LUC7L2: variants seen among roughly 807,000 people sequenced by gnomAD.
The protein encoded by LUC7L2 is putative RNA-binding protein Luc7-like 2.
In LUC7L2, 25 loss-of-function variants were observed where a neutral mutation model predicts 52.8. The ratio of observed to expected loss-of-function variants is 0.47; its 90% CI spans 0.34 to 0.66. The LOEUF (loss-of-function observed/expected upper bound fraction) is 0.66, where lower values mean the gene tolerates loss of function less well. Ranked by LOEUF, LUC7L2 falls within the 30% of genes least tolerant of loss-of-function variation. The probability of loss-of-function intolerance (pLI) is 0.01; values close to 1 mark genes in which losing one functional copy is unlikely to be tolerated. For synonymous variants in LUC7L2, 144 were observed against 160.9 expected (o/e 0.89, Z 0.80); for missense variants, 328 against 497.8 (o/e 0.66, Z 3.25).
intron 2 of LUC7L2, among the ~76,000 whole-genome samples, chr7:139,387,475 T>G (rs1343698481): frequency 6.6e-6 from 1 of 152,238 alleles, no homozygotes; most frequent in African/African-American, 2.4e-5. Context: ...CCACTGCGCC[T>G]GGCTGAAAAT....
intron 2 of LUC7L2, among the ~76,000 whole-genome samples, chr7:139,390,679 C>T (rs900344788): frequency 6.6e-6 from 1 of 152,024 alleles, no homozygotes; most frequent in Non-Finnish European, 1.5e-5. Flanking sequence ...CCTCAGCCTC[C>T]CAAGTAGCTG....
At chr7:139,354,891 C>T (rs1319826045) in intron 1 of LUC7L2, among the ~76,000 whole-genome samples, 2 of 149,654 alleles carry the variant, frequency 1.3e-5, no homozygotes, top group African/African-American at 5.0e-5. Context: ...GGGTCTTGCT[C>T]TGTTGTCCAG....
At chr7:139,378,591 A>C (rs1235033725) in intron 2 of LUC7L2, among the ~76,000 whole-genome samples, 1 of 152,158 alleles carries the variant, frequency 6.6e-6, no homozygotes, top group Admixed American at 6.5e-5. Context: ...AAGAAAAAAG[A>C]AAAATCAACA....
intron 2 of LUC7L2, among the ~76,000 whole-genome samples, chr7:139,377,536 G>A (rs939192714): frequency 2.0e-5 from 3 of 151,912 alleles, no homozygotes; most frequent in Admixed American, 6.5e-5. Context: ...TGGGATTACA[G>A]GTGCCCACCA....
chr7:139,398,583 CT>C lies in LUC7L2; in HGVS notation c.157-10del, dbSNP rs773261565. ...ACTTTTTTTTGTTTTAATATTATGT[CT>C]TTTTTCCCTTCCAGAGAATGGATCT... On this transcript the variant is annotated splice_polypyrimidine_tract_variant and intron_variant, in intron 2 of 9. Transcript: ENST00000354926. The C allele has an allele frequency of 3.2e-6, 5 of 1,583,698 alleles. No homozygotes were observed. Among genetic ancestry groups the C allele is most frequent in the East Asian group, 2.3e-5 (1 of 44,324 alleles).
At chr7:139,421,067 C>G (rs1039827320) in intron 9 of LUC7L2, among the ~76,000 whole-genome samples, 1 of 152,202 alleles carries the variant, frequency 6.6e-6, no homozygotes, top group African/African-American at 2.4e-5. Flanking sequence ...TCCCAAAGTG[C>G]TGGGATTACA....
At chr7:139,341,523 G>A (rs771699835) in intron 1 of LUC7L2, 8 of 1,611,042 alleles carry the variant, frequency 5.0e-6, no homozygotes, top group Non-Finnish European at 6.8e-6. Context: ...TGCACATCGG[G>A]TACGGGAGCC....
At position 139,360,226 on chromosome 7, in the gene LUC7L2, C is replaced by T; in HGVS notation, c.-36C>T. ...CCAGCCCAAAAGGGCCCGGTCTGCG[C>T]CCCACCCCCGCCCGTCCGCCCGCTA... On this transcript the variant is annotated 5_prime_UTR_variant, in exon 1 of 10. Coordinates refer to ENST00000354926, the MANE Select transcript of LUC7L2 (RefSeq NM_016019.5). 6.6e-7 allele frequency: 1 copy of T among 1,524,072 alleles called. No individual in the cohort carries two copies. Among genetic ancestry groups the T allele is most frequent in the East Asian group, 2.5e-5 (1 of 40,380 alleles). The allele number at this position is 1,524,072 out of a possible 1,614,324, so 94.4% of individuals were successfully genotyped here.
In LUC7L2 at chr7:139,422,368, A is replaced by C. The variant is rs1795944435; in HGVS notation, c.*28A>C. ...AGCTGTGTACATTTCTTCAGTCCTT[A>C]AGCTTCCTACGGAGTTACGTACTAT... On this transcript the variant is annotated 3_prime_UTR_variant, in exon 10 of 10. Transcript: ENST00000354926. 1 of 1,589,010 alleles carries C rather than the reference A, an allele frequency of 6.3e-7. No homozygotes were observed. The highest frequency in any genetic ancestry group is 1.4e-5 in the African/African-American group (1 of 73,802).
At chr7:139,409,520 A>G (rs765984470) in intron 6 of LUC7L2, 43 bp from the exon 7 acceptor site, 3 of 1,567,344 alleles carry the variant, frequency 1.9e-6, no homozygotes, top group African/African-American at 1.4e-5. Context: ...CTGTTTAAGA[A>G]TGGACTCAGT....
chr7:139,377,540 C>T (rs1800779672), intron 2 of LUC7L2, among the ~76,000 whole-genome samples: 1 of 151,856 alleles, frequency 6.6e-6, no homozygotes, highest in Non-Finnish European at 1.5e-5. Flanking sequence ...ATTACAGGTG[C>T]CCACCACCAT....
intron 1 of LUC7L2, among the ~76,000 whole-genome samples, chr7:139,363,976 C>CTTTTTTTTTTTTTTTTTTTTTT (rs1169793101): frequency 3.1e-5 from 3 of 96,080 alleles, no homozygotes; most frequent in Admixed American, 2.2e-4. Flanking sequence ...AGATTACATC[C>CTTTTTTTTTTTTTTTTTTTTTT]TTTTTTTTTT....
intron 2 of LUC7L2, among the ~76,000 whole-genome samples, chr7:139,383,899 A>AATTATT (rs559078924): frequency 6.7e-6 from 1 of 150,216 alleles, no homozygotes; most frequent in African/African-American, 2.5e-5. Flanking sequence ...ATGCCTGGCT[A>AATTATT]ATTATTATTA....
At chr7:139,410,131 TG>T (rs774706094) in intron 7 of LUC7L2, among the ~76,000 whole-genome samples, 3 of 150,520 alleles carry the variant, frequency 2.0e-5, no homozygotes, top group African/African-American at 4.9e-5. Flanking sequence ...GGCGTGAACC[TG>T]GGGGGGCAGA....
At chr7:139,414,854 A>G (rs1306378746) in intron 8 of LUC7L2, among the ~76,000 whole-genome samples, 5 of 118,370 alleles carry the variant, frequency 4.2e-5, no homozygotes, top group Admixed American at 7.4e-5. Context: ...AAATATTTCC[A>G]CTCTTTTCTC....
In LUC7L2 at chr7:139,403,287, A is replaced by T. The variant is rs75497774; in HGVS notation, c.366+1040A>T. Among the ~76,000 whole-genome samples the T allele has an allele frequency of 9.7e-3, 1,474 of 152,274 alleles. 29 individuals carry two copies. The highest frequency in any genetic ancestry group is 0.033 in the African/African-American group (1,377 of 41,570). Reference sequence around the variant, plus strand: ...TTTATTTTTCTTATAGAGTCGATTTATTAGAATCCAAACAAGGTCTTTTAT... The same window carrying T: ...TTTATTTTTCTTATAGAGTCGATTTTTTAGAATCCAAACAAGGTCTTTTAT... On this transcript the variant is annotated intron_variant, in intron 4 of 9. Transcript: ENST00000354926.
chr7:139,394,360 C>G (rs1418577768), intron 2 of LUC7L2, among the ~76,000 whole-genome samples: 2 of 152,180 alleles, frequency 1.3e-5, no homozygotes, highest in Non-Finnish European at 1.5e-5. Flanking sequence ...ATGCATCTTC[C>G]CCATGGCATG....
intron 2 of LUC7L2, among the ~76,000 whole-genome samples, chr7:139,386,466 G>A (rs1217312281): frequency 7.3e-6 from 1 of 137,864 alleles, no homozygotes. Flanking sequence ...GTGCAGTGGT[G>A]TGATCTTGGC....
chr7:139,389,530 A>G (rs1447332878), intron 2 of LUC7L2, among the ~76,000 whole-genome samples: 2 of 152,136 alleles, frequency 1.3e-5, no homozygotes, highest in African/African-American at 4.8e-5. Context: ...TCTTCTGTGT[A>G]AATTATCTTC....
Sources: allele counts gnomAD v4.1 joint callset (sites outside exome capture counted in the v4.1 genomes callset), GRCh38; gene constraint gnomAD v4.1.1; transcripts MANE v1.5; gene names NCBI Gene and HGNC (gene_info 2026-07-23, HGNC 2026-07-21).